Variants in PRDM1 observed in about 807,000 individuals in gnomAD.
PRDM1 encodes the protein PR domain zinc finger protein 1.
In PRDM1, 13 loss-of-function variants were observed where a neutral mutation model predicts 62.8. The ratio of observed to expected loss-of-function variants is 0.21; its 90% CI spans 0.13 to 0.33. The LOEUF is 0.33. PRDM1 is among the 10% of genes least tolerant of loss of function. The pLI is 1.00. For missense variants in PRDM1, 895 were observed against 1,058.8 expected (o/e 0.85, Z 2.15); for synonymous variants, 396 against 417.6 (o/e 0.95, Z 0.63).
At position 105,998,890 on chromosome 6, in the gene PRDM1, CATAT is replaced by C. The variant is rs202209129; in HGVS notation, c.-67+5292_-67+5295del. Among the ~76,000 whole-genome samples the C allele has an allele frequency of 1.4e-3, 141 of 100,080 alleles. 1 individual carries two copies. Among genetic ancestry groups the C allele is most frequent in the East Asian group, 2.6e-3 (9 of 3,464 alleles). 65.7% of individuals were successfully genotyped at this position (100,080 alleles called of 152,430 possible). ...GCATTGGGATTTTTAAAAGTTAATA[CATAT>C]ATATATATATATATATATATATATA... is the stretch of plus-strand genomic sequence containing the variant. On this transcript the variant is annotated intron_variant, in intron 1 of 6. Coordinates refer to the PRDM1 transcript ENST00000652320.
At chr6:106,000,056 A>G (rs1405488472) in intron 1 of PRDM1, among the ~76,000 whole-genome samples, 2 of 152,224 alleles carry the variant, frequency 1.3e-5, no homozygotes, top group Admixed American at 6.5e-5. Flanking sequence ...TCACCGTGTT[A>G]GCCAGGATGG....
intron 1 of PRDM1, among the ~76,000 whole-genome samples, chr6:106,050,676 G>C (rs180989630): frequency 6.6e-6 from 1 of 152,250 alleles, no homozygotes; most frequent in East Asian, 1.9e-4. Context: ...TTGGGGACTG[G>C]GTAGTTTTGT....
chr6:106,092,273 G>T (rs1285703658), intron 2 of PRDM1, among the ~76,000 whole-genome samples: 2 of 152,180 alleles, frequency 1.3e-5, no homozygotes, highest in Non-Finnish European at 2.9e-5. Flanking sequence ...GGAAGCTGTG[G>T]AAACTGTGGA....
intron 3 of PRDM1, chr6:106,098,807 T>C: frequency 6.6e-7 from 1 of 1,512,950 alleles, no homozygotes; most frequent in Non-Finnish European, 8.9e-7. Flanking sequence ...GTTGAAGCCT[T>C]GGGCGGGGGT....
Position 106,106,498 on chromosome 6 carries a change from A to G in PRDM1, c.1901A>G (p.Gln634Arg), listed in dbSNP as rs201512476. 9.0e-5 allele frequency: 146 copies of G among 1,614,152 alleles called. No individual in the cohort carries two copies. In the East Asian group the frequency reaches 3.1e-3, roughly 34 times the overall value. The change falls in exon 6 of 7, where the codon CAG becomes CGG. Residue 634 changes from glutamine to arginine, a missense_variant and splice_region_variant. Transcript: ENST00000369096. The surrounding 1 kb of genome is among the most constrained non-coding windows in gnomAD (Gnocchi z 4.4). The part of the protein sequence containing the change: ...VHTGEKPHEC[Q>R]VCHKRFSSTS... ...ACGGGAGAAAAGCCACATGAATGCC[A>G]GGTGCGCAGTATTTTCTGGGTAGAC...
intron 1 of PRDM1, among the ~76,000 whole-genome samples, chr6:106,076,570 G>C (rs986877017): frequency 2.0e-5 from 3 of 152,080 alleles, no homozygotes; most frequent in Admixed American, 1.3e-4. Context: ...TGTAGCACTA[G>C]AAAAAATAAT....
At chr6:106,027,525 G>A (rs1772782517) in intron 1 of PRDM1, among the ~76,000 whole-genome samples, 4 of 152,052 alleles carry the variant, frequency 2.6e-5, no homozygotes, top group Admixed American at 2.6e-4. Context: ...ATGGGAGGGC[G>A]GACTTCAAAG....
intron 4 of PRDM1, among the ~76,000 whole-genome samples, chr6:106,102,905 T>C (rs1774315599): frequency 6.6e-6 from 1 of 152,208 alleles, no homozygotes. Flanking sequence ...TTTTTCACCT[T>C]CATAAAATTC....
rs572613919 is a variant in PRDM1, at chr6:106,104,380, T to C, written c.665-445T>C. Among the ~76,000 whole-genome samples, 213 of 152,160 alleles carry C rather than the reference T, an allele frequency of 1.4e-3. 1 individual carries two copies. Among genetic ancestry groups the C allele is most frequent in the Non-Finnish European group, 2.6e-3 (176 of 67,992 alleles). On this transcript the variant is annotated intron_variant, in intron 4 of 6. Transcript: ENST00000369096. Reference sequence around the variant, plus strand: ...GTGTGCGCCACCACGCCCAGCTAATTTTGTATTTTTAGTAGAGATGGGGTT... The same window carrying C: ...GTGTGCGCCACCACGCCCAGCTAATCTTGTATTTTTAGTAGAGATGGGGTT...
chr6:106,099,502 C>T lies in PRDM1; in HGVS notation c.614C>T (p.Ala205Val), dbSNP rs757093467. Residue 205 changes from alanine (A) to valine (V), a missense_variant, in exon 4 of 7, where the codon GCA becomes GTA. Ala to Val is a moderately conservative substitution (Grantham distance 64, BLOSUM62 0). This residue lies in a region of PRDM1 where 213 missense variants were observed against 283.9 expected (regional missense o/e 0.75). Transcript: ENST00000369096. ...ELLVWYCRDF[A>V]ERLHYPYPGE... Reference sequence around the variant, plus strand: ...CTTGTGTGGTATTGTCGGGACTTTGCAGAAAGGCTTCACTACCCTTATCCC... The same window carrying T: ...CTTGTGTGGTATTGTCGGGACTTTGTAGAAAGGCTTCACTACCCTTATCCC... 3 of 1,614,176 alleles carry T rather than the reference C, an allele frequency of 1.9e-6. No individual in the cohort carries two copies. The Admixed American group carries it at 5.0e-5, about 27-fold the overall frequency.
chr6:105,997,219 C>T (rs1350206364), intron 1 of PRDM1, among the ~76,000 whole-genome samples: 1 of 152,184 alleles, frequency 6.6e-6, no homozygotes, highest in Non-Finnish European at 1.5e-5. Flanking sequence ...CTTTTCATAG[C>T]AGTTTCATAA....
intron 1 of PRDM1, among the ~76,000 whole-genome samples, chr6:105,993,674 C>T (rs9486258): frequency 0.082 from 12,458 of 152,178 alleles, 918 homozygotes; most frequent in African/African-American, 0.19. Flanking sequence ...TTTTAGGAAA[C>T]AGATTTTCAA....
chr6:106,096,788 C>T (rs1156921267), intron 3 of PRDM1, among the ~76,000 whole-genome samples: 8 of 152,144 alleles, frequency 5.3e-5, no homozygotes. Context: ...AGTCAGATTG[C>T]TTTCCTTCTT....
rs371295648 is a variant in PRDM1 at position 105,999,122 on chromosome 6, A to G, written c.-67+5483A>G. Among the ~76,000 whole-genome samples, 20 of 151,902 alleles carry G rather than the reference A, an allele frequency of 1.3e-4. No homozygotes were observed. The East Asian group carries it at 2.3e-3, about 18-fold the overall frequency. On this transcript the variant is annotated intron_variant, in intron 1 of 6. Coordinates refer to the PRDM1 transcript ENST00000652320. ...CCAGCTAATTTTGTTTAATTTTTAT[A>G]GAGATGGGAGCTCACTATGTTGCCC... is the stretch of plus-strand genomic sequence containing the variant.
intron 4 of PRDM1, among the ~76,000 whole-genome samples, chr6:106,104,021 G>A (rs767768438): frequency 5.3e-5 from 8 of 152,118 alleles, no homozygotes; most frequent in Non-Finnish European, 7.4e-5. Context: ...TATCAAATTC[G>A]TATTCAACAA....
Position 106,061,242 on chromosome 6 carries a change from CGG to C in PRDM1, c.-67+12529_-67+12530del, listed in dbSNP as rs1773340974. The stretch of plus-strand genomic sequence containing the variant: ...CAGCAGTTAGATGGTTCCACTGATC[CGG>C]ACTGAGTGCCTTCCAGCAGTTCAGC... On this transcript the variant is annotated intron_variant, in intron 1 of 6. Coordinates refer to the PRDM1 transcript ENST00000651185. Among the ~76,000 whole-genome samples, 2 of 2,086 alleles carry C rather than the reference CGG, an allele frequency of 9.6e-4. 1 individual carries two copies. The highest frequency in any genetic ancestry group is 6.8e-3 in the African/African-American group (2 of 296). The allele number at this position is 2,086 out of a possible 152,430, so 1.4% of individuals were successfully genotyped here. A position where few individuals can be genotyped will look rare whatever the true frequency, so the allele number is the denominator to read the frequency against.
At chr6:106,023,905 G>A (rs907899060) in intron 1 of PRDM1, among the ~76,000 whole-genome samples, 3 of 152,184 alleles carry the variant, frequency 2.0e-5, no homozygotes. Flanking sequence ...ACTTTGGGAG[G>A]CCAAGATGGG....
Position 106,099,538 on chromosome 6 carries a change from CAAT to C in PRDM1, c.651_653del (p.Met219del), listed in dbSNP as rs770280145. 4 of 1,614,020 alleles carry C rather than the reference CAAT, an allele frequency of 2.5e-6. No individual in the cohort carries two copies. In the Admixed American group the frequency reaches 6.7e-5, roughly 27 times the overall value. Reference sequence around the variant, plus strand: ...CACTACCCTTATCCCGGAGAGCTGACAATGATGAATCTCAGTAAGTGGATTACA... The same window carrying C: ...CACTACCCTTATCCCGGAGAGCTGACGATGAATCTCAGTAAGTGGATTACA... On this transcript the variant is annotated inframe_deletion, in exon 4 of 7. Transcript: ENST00000369096.
chr6:106,066,114 C>T (rs1773430385), intron 1 of PRDM1, among the ~76,000 whole-genome samples: 1 of 152,170 alleles, frequency 6.6e-6, no homozygotes, highest in South Asian at 2.1e-4. Context: ...CACCCATTGT[C>T]TATGGTTTCC....
Sources: allele counts gnomAD v4.1 joint callset (sites outside exome capture counted in the v4.1 genomes callset), GRCh38; gene constraint gnomAD v4.1.1; regional missense constraint gnomAD v4.1.1; non-coding constraint Gnocchi (gnomAD v3.1); transcripts MANE v1.5; gene names NCBI Gene and HGNC (gene_info 2026-07-23, HGNC 2026-07-21).